Variants in USP43 observed in about 807,000 individuals in gnomAD.
The protein encoded by USP43 is ubiquitin specific peptidase 43, also known as ubiquitin carboxyl-terminal hydrolase 43.
USP43 carries 33 observed loss-of-function variants against 90.7 expected under a neutral mutation model. That is an observed-to-expected ratio of 0.36 (90% CI 0.28 to 0.49). The LOEUF (loss-of-function observed/expected upper bound fraction) is 0.49, where lower values mean the gene tolerates loss of function less well. Among genes scored for constraint, USP43 ranks in the 20% least tolerant of loss-of-function variants. The pLI is 0.98. For missense variants in USP43, 1,274 were observed against 1,476.4 expected (o/e 0.86, Z 2.25); for synonymous variants, 598 against 615.8 (o/e 0.97, Z 0.43).
chr17:9,700,094 G>C, intron 9 of USP43, 78 bp from the exon 10 acceptor site: 2 of 1,348,424 alleles, frequency 1.5e-6, no homozygotes, highest in Non-Finnish European at 2.1e-6. Context: ...TTGGGTTGTG[G>C]GGGAGACTGC....
intron 1 of USP43, 44 bp from the exon 2 acceptor site, chr17:9,656,359 A>T (rs1182963215): frequency 1.3e-6 from 2 of 1,593,488 alleles, no homozygotes; most frequent in East Asian, 4.5e-5. Context: ...ATTTGGTTGT[A>T]TAAGGGGCCA....
Position 9,707,973 on chromosome 17 carries a change from T to G in USP43, c.2012-1983T>G, listed in dbSNP as rs565077168. Among the ~76,000 whole-genome samples, 141 of 152,338 alleles carry G rather than the reference T, an allele frequency of 9.3e-4. 1 individual carries two copies. Among genetic ancestry groups the G allele is most frequent in the African/African-American group, 3.1e-3 (127 of 41,576 alleles). Reference sequence around the variant, plus strand: ...CTACCTGACATTTTGAAAGGGCGACTGATTGACTGTGTCTGTGATAGACAT... The same window carrying G: ...CTACCTGACATTTTGAAAGGGCGACGGATTGACTGTGTCTGTGATAGACAT... On this transcript the variant is annotated intron_variant, in intron 12 of 14. Coordinates refer to ENST00000285199, the MANE Select transcript of USP43 (RefSeq NM_153210.5).
intron 8 of USP43, among the ~76,000 whole-genome samples, chr17:9,692,808 T>G (rs1191063292): frequency 6.6e-6 from 1 of 152,208 alleles, no homozygotes; most frequent in Non-Finnish European, 1.5e-5. Context: ...TTAATTAACA[T>G]GATTGATTTA....
Position 9,655,956 on chromosome 17 carries a change from G to A in USP43, c.505-447G>A, listed in dbSNP as rs140434732. On this transcript the variant is annotated intron_variant, in intron 1 of 14. Transcript: ENST00000285199. ...AGCTATGAGAATGAATGAAATCAGC[G>A]AGGGAGAGCAAGTAGGGCTAGAAGG... is the stretch of plus-strand genomic sequence containing the variant. Among the ~76,000 whole-genome samples, 611 of 152,306 alleles carry A rather than the reference G, an allele frequency of 4.0e-3. 3 individuals carry two copies. The highest frequency in any genetic ancestry group is 0.012 in the African/African-American group (488 of 41,574).
intron 12 of USP43, among the ~76,000 whole-genome samples, chr17:9,702,536 TG>T (rs749163620): frequency 6.6e-6 from 1 of 151,160 alleles, no homozygotes; most frequent in Non-Finnish European, 1.5e-5. Context: ...TTTATTCCTC[TG>T]GGGAATTTCA....
In USP43 at chr17:9,700,244, G is replaced by A. The variant is rs1204304799; in HGVS notation, c.1530G>A (p.Lys510=). 6.3e-7 allele frequency: 1 copy of A among 1,596,216 alleles called. No individual in the cohort carries two copies. Among genetic ancestry groups the A allele is most frequent in the Non-Finnish European group, 8.5e-7 (1 of 1,171,682 alleles). Residue 510 remains lysine (K), a synonymous_variant, in exon 10 of 15, where the codon AAG becomes AAA. Transcript: ENST00000285199. ...KLAVEWDSSV[K]ERLFGSLQEE... ...CGGTGGAGTGGGATAGCTCTGTCAA[G>A]GAGCGGTGAGTTCAAGGGAATTTGC...
Position 9,673,407 on chromosome 17 carries a change from G to T in USP43, c.741-1484G>T, listed in dbSNP as rs562693770. On this transcript the variant is annotated intron_variant, in intron 3 of 14. Transcript: ENST00000285199. ...ACCTGTAATTCCAGCTACTCAGGAG[G>T]CTGAGGCAGGAGAATCGCTTGAATC... Among the ~76,000 whole-genome samples, 19 of 152,272 alleles carry T rather than the reference G, an allele frequency of 1.2e-4. No homozygotes were observed. The East Asian group carries it at 3.7e-3, about 29-fold the overall frequency.
rs1567660676 is a variant in USP43, at chr17:9,681,159, CT to C, written c.1105+794del. On this transcript the variant is annotated intron_variant, in intron 6 of 14. Coordinates refer to ENST00000285199, the MANE Select transcript of USP43 (RefSeq NM_153210.5). Reference sequence around the variant, plus strand: ...TATAATATATACTATATAATATATACTATATAATATATACTATATAATATAC... The same window carrying C: ...TATAATATATACTATATAATATATACATATAATATATACTATATAATATAC... Among the ~76,000 whole-genome samples the C allele has an allele frequency of 2.3e-4, 21 of 90,906 alleles. 2 individuals are homozygous for C. The highest frequency in any genetic ancestry group is 8.0e-4 in the East Asian group (2 of 2,514). The allele number at this position is 90,906 out of a possible 152,430, so 59.6% of individuals were successfully genotyped here.
Position 9,680,938 on chromosome 17 carries a change from T to A in USP43, c.1105+572T>A, listed in dbSNP as rs184773984. On this transcript the variant is annotated intron_variant, in intron 6 of 14. Transcript: ENST00000285199. ...CATGGTCAATTTCTAACAGTCCTTT[T>A]TATTTGTAGATCAGGATACATTTTG... Among the ~76,000 whole-genome samples, 117 of 148,696 alleles carry A rather than the reference T, an allele frequency of 7.9e-4. 1 individual carries two copies. Among genetic ancestry groups the A allele is most frequent in the East Asian group, 3.1e-3 (16 of 5,146 alleles).
In USP43 at chr17:9,728,142, C is replaced by A; in HGVS notation, c.2524C>A (p.Pro842Thr). The A allele has an allele frequency of 6.2e-7, 1 of 1,613,860 alleles. No individual in the cohort carries two copies. Among genetic ancestry groups the A allele is most frequent in the Non-Finnish European group, 8.5e-7 (1 of 1,179,860 alleles). Residue 842 changes from proline to threonine, a missense_variant, in exon 15 of 15, where the codon CCT becomes ACT. Coordinates refer to ENST00000285199, the MANE Select transcript of USP43 (RefSeq NM_153210.5). This position sits in a 1 kb window ranked among gnomAD's most constrained non-coding sequence, Gnocchi z 6.2. Reference sequence around the variant, plus strand: ...GGAGTACTTGGAATCCAGACGAAGACCTCGGTCCACGAGCCAGTCCATTGT... The same window carrying A: ...GGAGTACTTGGAATCCAGACGAAGAACTCGGTCCACGAGCCAGTCCATTGT... ...LVEYLESRRR[P>T]RSTSQSIVSL...
At chr17:9,700,067 G>C (rs1915483425) in intron 9 of USP43, 105 bp from the exon 10 acceptor site, 1 of 1,129,688 alleles carries the variant, frequency 8.9e-7, no homozygotes, top group Non-Finnish European at 1.3e-6. Flanking sequence ...GGGTATTTCT[G>C]TTTGGAACAT....
intron 12 of USP43, among the ~76,000 whole-genome samples, chr17:9,704,359 G>A (rs1915753972): frequency 6.6e-6 from 1 of 152,170 alleles, no homozygotes; most frequent in South Asian, 2.1e-4. Context: ...CTAGAGTGCA[G>A]TGATGTGATC....
At chr17:9,721,390 G>C (rs1916946497) in intron 14 of USP43, among the ~76,000 whole-genome samples, 1 of 151,978 alleles carries the variant, frequency 6.6e-6, no homozygotes, top group African/African-American at 2.4e-5. Flanking sequence ...AGATTATTTT[G>C]GTCAACTTTC....
intron 13 of USP43, among the ~76,000 whole-genome samples, 187 bp from the exon 14 acceptor site, chr17:9,711,781 G>C (rs1916209203): frequency 1.3e-5 from 2 of 152,292 alleles, no homozygotes; most frequent in Admixed American, 1.3e-4. Flanking sequence ...TTTAAGCTTA[G>C]TCACATGGGA....
At chr17:9,719,967 T>A (rs1380996552) in intron 14 of USP43, among the ~76,000 whole-genome samples, 1 of 152,104 alleles carries the variant, frequency 6.6e-6, no homozygotes, top group African/African-American at 2.4e-5. Flanking sequence ...CTCAGGAGGC[T>A]GAGGCTGGAG....
Position 9,680,293 on chromosome 17 carries a change from G to C in USP43, c.1032G>C (p.Leu344=). 1 of 1,613,944 alleles carries C rather than the reference G, an allele frequency of 6.2e-7. No homozygotes were observed. Among genetic ancestry groups the C allele is most frequent in the Admixed American group, 1.7e-5 (1 of 60,018 alleles). Residue 344 remains leucine, a synonymous_variant, in exon 6 of 15, where the codon CTG becomes CTC. Transcript: ENST00000285199. Reference sequence around the variant, plus strand: ...GGTCTTTCTTTGATGAAGAGGACCTGAATACCATCGCAGAGGGAGATAATG... The same window carrying C: ...GGTCTTTCTTTGATGAAGAGGACCTCAATACCATCGCAGAGGGAGATAATG... ...FQRSFFDEED[L]NTIAEGDNVY... is the part of the protein sequence containing the mutation.
Position 9,699,339 on chromosome 17 carries a change from C to T in USP43, c.1458-833C>T, listed in dbSNP as rs917502592. Among the ~76,000 whole-genome samples the T allele has an allele frequency of 3.9e-5, 6 of 152,116 alleles. 1 individual carries two copies. Among genetic ancestry groups the T allele is most frequent in the Admixed American group, 3.9e-4 (6 of 15,272 alleles). Reference sequence around the variant, plus strand: ...GCTGGGAGAACTTCTCCCAGACACGCCTTGTTCCTCACTCCCTCCTGGCTC... The same window carrying T: ...GCTGGGAGAACTTCTCCCAGACACGTCTTGTTCCTCACTCCCTCCTGGCTC... On this transcript the variant is annotated intron_variant, in intron 9 of 14. Coordinates refer to ENST00000285199, the MANE Select transcript of USP43 (RefSeq NM_153210.5).
rs561285087 is a variant in USP43, at chr17:9,662,822, T to C, written c.637-3826T>C. ...TAAGTGTTTTGTATATATGATCTCT[T>C]TTTTTTTTTTTTTGAGGCAGAGTCT... On this transcript the variant is annotated intron_variant, in intron 2 of 14. Transcript: ENST00000285199. 7.5e-5 allele frequency among the ~76,000 whole-genome samples: 11 copies of C among 147,014 alleles called. No individual in the cohort carries two copies. In the South Asian group the frequency reaches 1.3e-3, roughly 17 times the overall value.
chr17:9,677,956 C>G (rs898335668), intron 5 of USP43, among the ~76,000 whole-genome samples: 2 of 152,140 alleles, frequency 1.3e-5, no homozygotes, highest in African/African-American at 4.8e-5. Context: ...ATCGCTACCT[C>G]ATAGAATATT....
Sources: allele counts gnomAD v4.1 joint callset (sites outside exome capture counted in the v4.1 genomes callset), GRCh38; gene constraint gnomAD v4.1.1; non-coding constraint Gnocchi (gnomAD v3.1); transcripts MANE v1.5; gene names NCBI Gene and HGNC (gene_info 2026-07-23, HGNC 2026-07-21).